Variants in DCAF8L2 observed in about 807,000 individuals in gnomAD.
DCAF8L2 encodes DDB1- and CUL4-associated factor 8-like protein 2.
For synonymous variants in DCAF8L2, 200 were observed against 190.9 expected, an observed-to-expected ratio of 1.05 and a Z score of -0.39; for missense variants, 430 against 490.7, an observed-to-expected ratio of 0.88 and a Z score of 1.17.
intron 2 of DCAF8L2, among the ~76,000 whole-genome samples, chrX:27,643,050 A>G (rs1359451625): frequency 8.9e-6 from 1 of 112,147 alleles, no homozygotes; most frequent in Admixed American, 9.5e-5. Context: ...AATGGTGTCG[A>G]TATCTCTTCA....
chrX:27,538,718 A>G, the DCAF8L2 span, among the ~76,000 whole-genome samples: 1 of 111,113 alleles, frequency 9.0e-6, no homozygotes, highest in Non-Finnish European at 1.9e-5. Context: ...CTCATGCTAT[A>G]TGACACAGGG....
At position 27,598,050 on chromosome X, in the gene DCAF8L2, A is replaced by C. The variant is rs754679478; in HGVS notation, c.-342+7610A>C. Among the ~76,000 whole-genome samples, 10 of 112,522 alleles carry C rather than the reference A, an allele frequency of 8.9e-5. No homozygotes were observed. In the East Asian group the frequency reaches 2.8e-3, roughly 31 times the overall value. The stretch of plus-strand genomic sequence containing the variant: ...AATCTTATTTTCATATAAATTATTA[A>C]TTATACTATCAATGACTGCAAAAAT... On this transcript the variant is annotated intron_variant, in intron 1 of 4. Transcript: ENST00000451261.
intron 3 of DCAF8L2, among the ~76,000 whole-genome samples, chrX:27,683,825 C>T (rs1274906066): frequency 1.8e-5 from 2 of 111,930 alleles, no homozygotes; most frequent in Non-Finnish European, 3.8e-5. Flanking sequence ...CCAGGAGGAT[C>T]GTGCTGAAGC....
intron 1 of DCAF8L2, among the ~76,000 whole-genome samples, chrX:27,609,737 C>G (rs1927071830): frequency 9.0e-6 from 1 of 111,470 alleles, no homozygotes; most frequent in South Asian, 3.7e-4. Flanking sequence ...AACCAAAATA[C>G]TGTTTTCCAG....
chrX:27,520,418 A>G, the DCAF8L2 span, among the ~76,000 whole-genome samples: 8 of 112,040 alleles, frequency 7.1e-5, no homozygotes, highest in East Asian at 2.2e-3. Context: ...TAATGTAATC[A>G]ATGGCAAGTG....
chrX:27,617,983 G>A (rs2147149710), intron 1 of DCAF8L2, among the ~76,000 whole-genome samples: 1 of 111,886 alleles, frequency 8.9e-6, no homozygotes, highest in African/African-American at 3.2e-5. Flanking sequence ...AGCATTCTAT[G>A]TTATCATATC....
intron 1 of DCAF8L2, among the ~76,000 whole-genome samples, chrX:27,620,234 A>G (rs1024661425): frequency 3.6e-5 from 4 of 111,840 alleles, no homozygotes; most frequent in Non-Finnish European, 5.6e-5. Context: ...TAGTGTAATT[A>G]TGTTGAAAAA....
At chrX:27,704,179 TACAC>T (rs1555930604) in intron 3 of DCAF8L2, among the ~76,000 whole-genome samples, 5 of 85,489 alleles carry the variant, frequency 5.8e-5, no homozygotes, top group African/African-American at 1.9e-4. Flanking sequence ...TATATACATA[TACAC>T]ACACACATAT....
intron 2 of DCAF8L2, among the ~76,000 whole-genome samples, chrX:27,659,946 T>C (rs1929495356): frequency 8.9e-6 from 1 of 111,989 alleles, no homozygotes; most frequent in Admixed American, 9.5e-5. Flanking sequence ...CTTTAAGATC[T>C]GTTGCTGGAG....
At chrX:27,730,364 A>G (rs1921120802) in intron 4 of DCAF8L2, among the ~76,000 whole-genome samples, 1 of 112,256 alleles carries the variant, frequency 8.9e-6, no homozygotes, top group Non-Finnish European at 1.9e-5. Flanking sequence ...TTAACCACAG[A>G]TAATGTTGTA....
At chrX:27,693,382 ATTAT>A (rs1930780105) in intron 3 of DCAF8L2, among the ~76,000 whole-genome samples, 1 of 111,551 alleles carries the variant, frequency 9.0e-6, no homozygotes, top group African/African-American at 3.2e-5. Flanking sequence ...CTCTTCATAA[ATTAT>A]TAATTTATAC....
chrX:27,517,989 T>C, the DCAF8L2 span: 5 of 1,155,769 alleles, frequency 4.3e-6, no homozygotes, highest in Admixed American at 8.7e-5. Context: ...AAGGTTATCC[T>C]ACATGGCTTA....
At chrX:27,473,185 T>C in the DCAF8L2 span, among the ~76,000 whole-genome samples, 2 of 112,412 alleles carry the variant, frequency 1.8e-5, no homozygotes, top group Admixed American at 9.4e-5. Flanking sequence ...AAAAATTTTG[T>C]ATGTGAAAAA....
chrX:27,724,474 A>G (rs1203243069), intron 4 of DCAF8L2, among the ~76,000 whole-genome samples: 1 of 110,727 alleles, frequency 9.0e-6, no homozygotes, highest in Non-Finnish European at 1.9e-5. Context: ...AAACTACTGG[A>G]AAACTGAGTT....
At chrX:27,580,367 A>T in the DCAF8L2 span, among the ~76,000 whole-genome samples, 1 of 111,622 alleles carries the variant, frequency 9.0e-6, no homozygotes, top group Non-Finnish European at 1.9e-5. Flanking sequence ...GCAGTAAGGA[A>T]GATGAGGTTT....
At chrX:27,716,016 T>G (rs1931689617) in intron 3 of DCAF8L2, 72 bp from the exon 4 acceptor site, 1 of 112,587 alleles carries the variant, frequency 8.9e-6, no homozygotes, top group Non-Finnish European at 1.9e-5. Context: ...ATCCAATGAC[T>G]TGGTTTGTTT....
chrX:27,627,051 T>C (rs984436499), intron 1 of DCAF8L2, among the ~76,000 whole-genome samples: 1 of 48,027 alleles, frequency 2.1e-5, no homozygotes, highest in Non-Finnish European at 4.2e-5. Flanking sequence ...TGGAAAAAAA[T>C]AGCACCAAGA....
At chrX:27,584,614 T>C in the DCAF8L2 span, among the ~76,000 whole-genome samples, 1 of 111,598 alleles carries the variant, frequency 9.0e-6, no homozygotes, top group Non-Finnish European at 1.9e-5. Flanking sequence ...TTTAGAATTT[T>C]GAGTTTTATA....
chrX:27,567,576 T>TATATAG, the DCAF8L2 span, among the ~76,000 whole-genome samples: 2 of 93,081 alleles, frequency 2.1e-5, no homozygotes, highest in Non-Finnish European at 2.1e-5. Flanking sequence ...TATATATATA[T>TATATAG]ATATATATAT....
Sources: gnomAD v4.1 joint callset for allele counts (sites outside exome capture counted in the v4.1 genomes callset) on GRCh38, gnomAD v4.1.1 for gene constraint, MANE v1.5 for transcripts, NCBI Gene and HGNC (gene_info 2026-07-23, HGNC 2026-07-21) for gene names.